TRPM3: variants seen among roughly 807,000 people sequenced by gnomAD.
The protein encoded by TRPM3 is transient receptor potential cation channel subfamily M member 3.
Under a neutral mutation model 181.2 loss-of-function variants are expected in TRPM3, and 77 were observed. The observed-to-expected ratio is 0.42, with a 90% CI of 0.35 to 0.51. The LOEUF (loss-of-function observed/expected upper bound fraction) is 0.51. Ranked by LOEUF, TRPM3 falls within the 20% of genes least tolerant of loss-of-function variation. TRPM3 has a pLI of 0.01. For synonymous variants in TRPM3, 745 were observed against 796.4 expected (o/e 0.94, Z 1.09); for missense variants, 1,759 against 2,196.7 (o/e 0.80, Z 3.98).
intron 1 of TRPM3, among the ~76,000 whole-genome samples, chr9:71,196,339 A>C (rs1393502100): frequency 4.6e-5 from 7 of 151,748 alleles, no homozygotes; most frequent in African/African-American, 1.7e-4. Flanking sequence ...CGATCACCAA[A>C]TCCATTTTTC....
intron 6 of TRPM3, among the ~76,000 whole-genome samples, chr9:70,802,427 G>A (rs1002425830): frequency 2.6e-5 from 4 of 152,206 alleles, no homozygotes; most frequent in African/African-American, 9.6e-5. Context: ...TGACTATGTT[G>A]CAATAAACCT....
At chr9:71,010,982 A>G (rs516288) in intron 1 of TRPM3, among the ~76,000 whole-genome samples, 34,576 of 151,798 alleles carry the variant, frequency 0.23, 4,686 homozygotes, top group East Asian at 0.33. Context: ...TCAGCCATAA[A>G]ACATAATAAA....
chr9:70,647,112 T>C (rs1346622154), intron 9 of TRPM3, among the ~76,000 whole-genome samples: 1 of 152,056 alleles, frequency 6.6e-6, no homozygotes, highest in Non-Finnish European at 1.5e-5. Context: ...TTATTAGACA[T>C]ATAAATAAGA....
intron 1 of TRPM3, among the ~76,000 whole-genome samples, chr9:70,981,225 G>A (rs1363097702): frequency 6.6e-6 from 1 of 152,164 alleles, no homozygotes; most frequent in Non-Finnish European, 1.5e-5. Context: ...TATGAAAACT[G>A]TTCTGTTGAT....
chr9:71,380,431 G>A (rs2092771988), intron 1 of TRPM3, among the ~76,000 whole-genome samples: 1 of 151,962 alleles, frequency 6.6e-6, no homozygotes, highest in Admixed American at 6.6e-5. Flanking sequence ...CCACATCTGA[G>A]AATGGAAAAT....
intron 22 of TRPM3, among the ~76,000 whole-genome samples, chr9:70,577,335 A>G (rs146238057): frequency 6.6e-6 from 1 of 152,354 alleles, no homozygotes; most frequent in East Asian, 1.9e-4. Context: ...TGCAGAAGTT[A>G]AGAGCGTGGG....
At chr9:70,836,213 G>T (rs1262916949) in intron 5 of TRPM3, among the ~76,000 whole-genome samples, 1 of 151,850 alleles carries the variant, frequency 6.6e-6, no homozygotes, top group Non-Finnish European at 1.5e-5. Flanking sequence ...TTAGCTCTGG[G>T]CCCCATCACC....
intron 1 of TRPM3, among the ~76,000 whole-genome samples, chr9:70,957,127 A>AT (rs1043827651): frequency 1.1e-4 from 16 of 151,278 alleles, no homozygotes; most frequent in East Asian, 2.0e-4. Flanking sequence ...CACCTGGCTA[A>AT]TTTTTTTTGT....
intron 1 of TRPM3, among the ~76,000 whole-genome samples, chr9:71,110,867 T>C (rs956045551): frequency 6.6e-6 from 1 of 152,216 alleles, no homozygotes; most frequent in Non-Finnish European, 1.5e-5. Flanking sequence ...TCTCAAAATC[T>C]TTGAATGCTC....
chr9:71,050,615 G>T (rs997621705), intron 1 of TRPM3, among the ~76,000 whole-genome samples: 6 of 152,128 alleles, frequency 3.9e-5, no homozygotes, highest in South Asian at 2.1e-4. Flanking sequence ...TTGTTGGCTA[G>T]AAGTGTCACT....
At chr9:71,371,260 C>T (rs1247232345) in intron 1 of TRPM3, among the ~76,000 whole-genome samples, 4 of 152,138 alleles carry the variant, frequency 2.6e-5, no homozygotes, top group South Asian at 4.1e-4. Flanking sequence ...TTTTTTAGGT[C>T]GATAACTGCC....
intron 1 of TRPM3, among the ~76,000 whole-genome samples, chr9:70,974,708 G>A (rs1327564560): frequency 2.0e-5 from 3 of 150,752 alleles, no homozygotes; most frequent in Non-Finnish European, 4.4e-5. Context: ...CAGTCTGGGT[G>A]ACAGAGTGAG....
intron 1 of TRPM3, among the ~76,000 whole-genome samples, chr9:71,192,423 T>C (rs2078088989): frequency 6.6e-6 from 1 of 151,890 alleles, no homozygotes; most frequent in Admixed American, 6.6e-5. Flanking sequence ...AATTGTATGT[T>C]ATCTTTTGAC....
intron 18 of TRPM3, among the ~76,000 whole-genome samples, chr9:70,614,136 C>T (rs920297891): frequency 6.6e-6 from 1 of 152,066 alleles, no homozygotes; most frequent in Non-Finnish European, 1.5e-5. Context: ...CTTAGCTTTG[C>T]CATGAACAGG....
At chr9:71,436,265 A>G (rs2094033320) in intron 1 of TRPM3, among the ~76,000 whole-genome samples, 1 of 146,100 alleles carries the variant, frequency 6.8e-6, no homozygotes, top group South Asian at 2.2e-4. Context: ...GTGGAACTGT[A>G]GGTCCGATTA....
At chr9:70,657,021 G>T (rs1368990667) in intron 9 of TRPM3, among the ~76,000 whole-genome samples, 1 of 151,422 alleles carries the variant, frequency 6.6e-6, no homozygotes, top group African/African-American at 2.4e-5. Context: ...ATGACTGGTT[G>T]TTTAAGAAAG....
At chr9:70,944,018 G>T (rs2096909915) in intron 1 of TRPM3, among the ~76,000 whole-genome samples, 1 of 152,148 alleles carries the variant, frequency 6.6e-6, no homozygotes, top group African/African-American at 2.4e-5. Context: ...GACCTCAAGT[G>T]GTCCGCCCCC....
chr9:71,200,444 C>T (rs1008584235), intron 1 of TRPM3, among the ~76,000 whole-genome samples: 12 of 150,512 alleles, frequency 8.0e-5, no homozygotes, highest in Admixed American at 5.3e-4. Context: ...CTTTCTGTCT[C>T]GTTGATCTGT....
upstream of TRPM3, among the ~76,000 whole-genome samples, chr9:71,122,927 T>G (rs879868697): frequency 1.3e-5 from 2 of 152,214 alleles, no homozygotes; most frequent in Non-Finnish European, 2.9e-5. Context: ...CACAAAGGAT[T>G]GAAGGCAGTA....
Sources: gnomAD v4.1 joint callset for allele counts (sites outside exome capture counted in the v4.1 genomes callset) on GRCh38, gnomAD v4.1.1 for gene constraint, MANE v1.5 for transcripts, NCBI Gene and HGNC (gene_info 2026-07-23, HGNC 2026-07-21) for gene names.